Variants in C5 observed in about 807,000 individuals in gnomAD.
The protein encoded by C5 is complement C5.
A neutral mutation model predicts 218.8 loss-of-function variants in C5; 140 were observed. The observed-to-expected ratio is 0.64, with a 90% CI of 0.56 to 0.74. C5 has a LOEUF of 0.74. Ranked by LOEUF, C5 falls within the 30% of genes least tolerant of loss-of-function variation. The pLI is 0.00. For synonymous variants in C5, 614 were observed against 682.3 expected (o/e 0.90, Z 1.56); for missense variants, 1,700 against 1,969.6 (o/e 0.86, Z 2.59).
At chr9:121,017,303 T>C (rs970264195) in intron 14 of C5, 59 bp downstream of exon 14, 62 of 1,597,366 alleles carry the variant, frequency 3.9e-5, no homozygotes, top group Non-Finnish European at 5.2e-5. Context: ...TCTTCCTCCA[T>C]ATCCTAGCCT....
At chr9:121,022,655 T>C (rs1238351496) in intron 10 of C5, among the ~76,000 whole-genome samples, 1 of 149,956 alleles carries the variant, frequency 6.7e-6, no homozygotes, top group Admixed American at 6.6e-5. Flanking sequence ...AAAATTTTGC[T>C]CTGGATTTCT....
At chr9:120,954,120 CTT>C (rs1311895896) in intron 39 of C5, among the ~76,000 whole-genome samples, 1 of 152,150 alleles carries the variant, frequency 6.6e-6, no homozygotes, top group Non-Finnish European at 1.5e-5. Flanking sequence ...AGACCCTCAT[CTT>C]AAGACTGGGC....
rs187692371 is a variant in C5 at position 121,002,085 on chromosome 9, A to G, written c.2562+3834T>C. Among the ~76,000 whole-genome samples, 229 of 150,804 alleles carry G rather than the reference A, an allele frequency of 1.5e-3. 6 individuals are homozygous for G. The East Asian group carries it at 0.036, about 24-fold the overall frequency. On this transcript the variant is annotated intron_variant, in intron 20 of 40. Transcript: ENST00000223642. ...CTGATATGAAAGGATGTCTCTGATA[A>G]TATTATTGGTGGAAACACAAATTGC...
chr9:121,003,055 G>A (rs2047184901), intron 20 of C5, among the ~76,000 whole-genome samples: 1 of 152,170 alleles, frequency 6.6e-6, no homozygotes, highest in African/African-American at 2.4e-5. Context: ...CACTTTGGGA[G>A]GCCAAGGTGG....
In C5 at chr9:121,020,166, G is replaced by A; in HGVS notation, c.1316C>T (p.Ala439Val). 1 of 1,613,722 alleles carries A rather than the reference G, an allele frequency of 6.2e-7. No individual in the cohort carries two copies. The highest frequency in any genetic ancestry group is 1.1e-5 in the South Asian group (1 of 91,066). ...CTGATTTTCTTCTGGAAGATCTGGA[G>A]CATCAGTTTTGACCTGAAAAGAGAA... Reference protein sequence around the residue: ...TVLEFNVKTDAPDLPEENQAR... With the variant: ...TVLEFNVKTDVPDLPEENQAR... Residue 439 changes from alanine to valine, a missense_variant, in exon 12 of 41, where the codon GCT becomes GTT. Coordinates refer to ENST00000223642, the MANE Select transcript of C5 (RefSeq NM_001735.3).
chr9:121,021,577 G>C lies in C5; in HGVS notation c.1234C>G (p.Arg412Gly), dbSNP rs148822412. 338 of 1,613,512 alleles carry C rather than the reference G, an allele frequency of 2.1e-4. No individual in the cohort carries two copies. Among genetic ancestry groups the C allele is most frequent in the Non-Finnish European group, 2.8e-4 (326 of 1,179,662 alleles). The change falls in exon 11 of 41, where the codon CGT (arginine) becomes GGT (glycine). Residue 412 changes from arginine to glycine, a missense_variant. By Grantham distance (125) the Arg-to-Gly change is moderately radical. Coordinates refer to ENST00000223642, the MANE Select transcript of C5 (RefSeq NM_001735.3). ...AAGGAAGCTACTCCATCATCAACAC[G>C]TGTTACACTTTTGCTTGGATCCAAG... is the stretch of plus-strand genomic sequence containing the variant. Reference protein sequence around the residue: ...SDLDPSKSVTRVDDGVASFVL... With the variant: ...SDLDPSKSVTGVDDGVASFVL...
At chr9:121,014,321 C>T (rs1369586845) in intron 16 of C5, among the ~76,000 whole-genome samples, 2 of 152,184 alleles carry the variant, frequency 1.3e-5, no homozygotes, top group Non-Finnish European at 2.9e-5. Context: ...TAAATACTAA[C>T]TCTTGAAACT....
Position 121,023,393 on chromosome 9 carries a change from A to G in C5, c.1116+11T>C. 1 of 1,504,182 alleles carries G rather than the reference A, an allele frequency of 6.6e-7. No individual in the cohort carries two copies. 93.2% of individuals were successfully genotyped at this position (1,504,182 alleles called of 1,614,324 possible). A position where few individuals can be genotyped will look rare whatever the true frequency, so the allele number is the denominator to read the frequency against. On this transcript the variant is annotated intron_variant, in intron 10 of 40. Transcript: ENST00000223642. ...CATATGTAGCAACGTCTACCCCCTC[A>G]CCCAATCTACCTTGATGGGATATGG...
intron 8 of C5, chr9:121,025,985 G>A (rs993740076): frequency 5.7e-6 from 1 of 174,566 alleles, no homozygotes; most frequent in South Asian, 1.3e-4. Context: ...AACACACAAT[G>A]AGTAAAGGGA....
intron 10 of C5, among the ~76,000 whole-genome samples, chr9:121,022,376 C>G (rs2047373791): frequency 1.3e-5 from 2 of 149,326 alleles, no homozygotes; most frequent in African/African-American, 4.9e-5. Context: ...ATATTTTAAG[C>G]TTATGTTCTA....
chr9:121,050,267 C>G lies in C5; in HGVS notation c.-21G>C. 6.3e-7 allele frequency: 1 copy of G among 1,593,914 alleles called. No individual in the cohort carries two copies. The highest frequency in any genetic ancestry group is 8.6e-7 in the Non-Finnish European group (1 of 1,161,658). ...CCCATGGTTGGAGGTAGCAGGAAACCACGGATATAACACTTTTGAGGATAG... is the reference window on the plus strand; with the variant it reads ...CCCATGGTTGGAGGTAGCAGGAAACGACGGATATAACACTTTTGAGGATAG... On this transcript the variant is annotated 5_prime_UTR_variant, in exon 1 of 41. Transcript: ENST00000223642.
rs41313621 is a variant in C5 at position 120,957,045 on chromosome 9, T to C, written c.4762+240A>G. ...AATAAAAGTTGTAAAGAAAAAGAAATTGGACAATTACGCAATTGAAAAAAA... is the reference window on the plus strand; with the variant it reads ...AATAAAAGTTGTAAAGAAAAAGAAACTGGACAATTACGCAATTGAAAAAAA... On this transcript the variant is annotated intron_variant, in intron 39 of 40. Coordinates refer to ENST00000223642, the MANE Select transcript of C5 (RefSeq NM_001735.3). 2,169 of 414,600 alleles carry C rather than the reference T, an allele frequency of 5.2e-3. 22 individuals are homozygous for C. The highest frequency in any genetic ancestry group is 0.022 in the African/African-American group (1,073 of 49,154). 25.7% of individuals were successfully genotyped at this position (414,600 alleles called of 1,614,324 possible). A position where few individuals can be genotyped will look rare whatever the true frequency, so the allele number is the denominator to read the frequency against.
the C5 span, among the ~76,000 whole-genome samples, chr9:121,059,229 A>G: frequency 1.3e-5 from 2 of 152,060 alleles, no homozygotes; most frequent in Non-Finnish European, 2.9e-5. This position sits in a 1 kb window ranked among gnomAD's most constrained non-coding sequence, Gnocchi z 4.1. Flanking sequence ...AGGATTTCAG[A>G]TAAGGAAGTA....
chr9:121,038,809 A>G (rs2047552315), intron 3 of C5, among the ~76,000 whole-genome samples: 1 of 152,238 alleles, frequency 6.6e-6, no homozygotes. Flanking sequence ...ATAAGAAGCC[A>G]CATTAACACT....
chr9:120,986,874 T>C (rs1038269878), intron 25 of C5, among the ~76,000 whole-genome samples: 1 of 152,244 alleles, frequency 6.6e-6, no homozygotes, highest in Non-Finnish European at 1.5e-5. Flanking sequence ...CCCAAAGTGC[T>C]AGGATTATAG....
chr9:120,980,758 ATT>A (rs41311923), intron 27 of C5, among the ~76,000 whole-genome samples: 1 of 145,062 alleles, frequency 6.9e-6, no homozygotes, highest in Admixed American at 6.9e-5. Context: ...CGCCCGGCTA[ATT>A]TTTTTTTTTT....
rs1387383775 is a variant in C5 at position 120,999,685 on chromosome 9, T to C, written c.2563-1911A>G. 7 of 227,000 alleles carry C rather than the reference T, an allele frequency of 3.1e-5. No individual in the cohort carries two copies. In the South Asian group the frequency reaches 3.2e-4, roughly 10 times the overall value. 14.1% of individuals were successfully genotyped at this position (227,000 alleles called of 1,614,324 possible). ...AATAGAATCCAGAGTCTTTATAATA[T>C]TTTTATTAATAAAGTAGAAGATTCA... On this transcript the variant is annotated intron_variant, in intron 20 of 40. Coordinates refer to ENST00000223642, the MANE Select transcript of C5 (RefSeq NM_001735.3).
At chr9:120,990,876 T>C (rs2047072105) in intron 23 of C5, among the ~76,000 whole-genome samples, 1 of 152,240 alleles carries the variant, frequency 6.6e-6, no homozygotes, top group Non-Finnish European at 1.5e-5. Context: ...GACTGGCCAC[T>C]AAGACCATGG....
rs10985128 is a variant in C5 at position 121,021,990 on chromosome 9, C to T, written c.1117-296G>A. 3.2e-4 allele frequency among the ~76,000 whole-genome samples: 49 copies of T among 152,208 alleles called. No individual in the cohort carries two copies. In the East Asian group the frequency reaches 8.9e-3, roughly 28 times the overall value. On this transcript the variant is annotated intron_variant, in intron 10 of 40. Coordinates refer to ENST00000223642, the MANE Select transcript of C5 (RefSeq NM_001735.3). ...GGCATGCTCCACCACACCTGGTTTACTTATGTTTAATTTAGTAAAGAGAAG... is the reference window on the plus strand; with the variant it reads ...GGCATGCTCCACCACACCTGGTTTATTTATGTTTAATTTAGTAAAGAGAAG...
Sources: gnomAD v4.1 joint callset for allele counts (sites outside exome capture counted in the v4.1 genomes callset) on GRCh38, gnomAD v4.1.1 for gene constraint, Gnocchi (gnomAD v3.1) non-coding constraint, MANE v1.5 for transcripts, NCBI Gene and HGNC (gene_info 2026-07-23, HGNC 2026-07-21) for gene names.